The following SPATS2 variants were observed in gnomAD, a reference collection of about 807,000 sequenced individuals.
The protein encoded by SPATS2 is spermatogenesis-associated serine-rich protein 2.
Under a neutral mutation model 63.7 loss-of-function variants are expected in SPATS2, and 38 were observed. That is an observed-to-expected ratio of 0.60 (90% confidence interval 0.46 to 0.78). The LOEUF (loss-of-function observed/expected upper bound fraction) is 0.78, where lower values mean the gene tolerates loss of function less well. Among genes scored for constraint, SPATS2 ranks in the 30% least tolerant of loss-of-function variants. The pLI, the probability that SPATS2 is intolerant of heterozygous loss-of-function variation, is 0.00. For missense variants in SPATS2, 588 were observed against 666.2 expected (o/e 0.88, Z 1.29); for synonymous variants, 207 against 232.9 (o/e 0.89, Z 1.01).
At chr12:49,375,031 A>G (rs1944070602) in intron 2 of SPATS2, among the ~76,000 whole-genome samples, 1 of 150,756 alleles carries the variant, frequency 6.6e-6, no homozygotes, top group African/African-American at 2.4e-5. Context: ...AGGGTTACAC[A>G]GGGATTCTTA....
At chr12:49,376,396 C>T (rs1944103307) in intron 2 of SPATS2, among the ~76,000 whole-genome samples, 1 of 151,818 alleles carries the variant, frequency 6.6e-6, no homozygotes, top group African/African-American at 2.4e-5. Flanking sequence ...AGCTATCACG[C>T]CCGCCCCTGA....
intron 11 of SPATS2, 50 bp downstream of exon 11, chr12:49,519,232 A>T: frequency 6.8e-7 from 1 of 1,470,188 alleles, no homozygotes; most frequent in Non-Finnish European, 9.3e-7. Flanking sequence ...CAGGGGCTAA[A>T]GTAAGAAATT....
At chr12:49,411,683 A>G (rs1408109009) in intron 2 of SPATS2, among the ~76,000 whole-genome samples, 2 of 152,180 alleles carry the variant, frequency 1.3e-5, no homozygotes, top group Non-Finnish European at 1.5e-5. Context: ...TCTAGGAAAA[A>G]GTGAAAAAAG....
chr12:49,383,320 G>T (rs955154851), intron 2 of SPATS2, among the ~76,000 whole-genome samples: 2 of 151,904 alleles, frequency 1.3e-5, no homozygotes, highest in Non-Finnish European at 2.9e-5. Context: ...TGCCTGGATT[G>T]TATGTATTTT....
Position 49,489,540 on chromosome 12 carries a change from T to A in SPATS2, c.181T>A (p.Cys61Ser). The change falls in exon 5 of 14, where the codon TGT (cysteine) becomes AGT (serine). Residue 61 changes from cysteine to serine, a missense_variant. Transcript: ENST00000552918. ...CCTGGTTTTGCAGCACTTTGATAAC[T>A]GTGTGGACAAAACAGTACAAGCATT... ...IILVLQHFDNCVDKTVQAFME... is the reference protein window; with the variant it reads ...IILVLQHFDNSVDKTVQAFME... 6.2e-7 allele frequency: 1 copy of A among 1,613,854 alleles called. No homozygotes were observed. Among genetic ancestry groups the A allele is most frequent in the Non-Finnish European group, 8.5e-7 (1 of 1,179,842 alleles).
At chr12:49,469,006 A>C (rs1011566358) in intron 3 of SPATS2, among the ~76,000 whole-genome samples, 2 of 152,018 alleles carry the variant, frequency 1.3e-5, no homozygotes, top group Admixed American at 1.3e-4. Flanking sequence ...TAATCTCAGC[A>C]CCTCTGGGAG....
intron 2 of SPATS2, among the ~76,000 whole-genome samples, chr12:49,458,729 C>T (rs1477940599): frequency 6.8e-6 from 1 of 147,990 alleles, no homozygotes; most frequent in African/African-American, 2.5e-5. Flanking sequence ...CAAATTCCAT[C>T]TCGTTTTTTT....
chr12:49,458,223 T>G (rs1945754001), intron 2 of SPATS2, among the ~76,000 whole-genome samples: 1 of 152,080 alleles, frequency 6.6e-6, no homozygotes, highest in African/African-American at 2.4e-5. Context: ...AATCCCACAC[T>G]TCAGGAGGCG....
intron 2 of SPATS2, among the ~76,000 whole-genome samples, chr12:49,425,653 C>T (rs535869836): frequency 2.1e-4 from 32 of 150,998 alleles, no homozygotes; most frequent in African/African-American, 7.6e-4. Flanking sequence ...TTTTTTGAGA[C>T]GGAGTCTTCT....
rs1565761003 is a variant in SPATS2 at position 49,516,202 on chromosome 12, T to TAA, written c.898+1590_898+1591insAA. On this transcript the variant is annotated intron_variant, in intron 10 of 13. Coordinates refer to ENST00000552918, the MANE Select transcript of SPATS2 (RefSeq NM_023071.4). ...ATATATATATATATATATATATATA[T>TAA]ATATATAAATCAGGCATGGGGTCAT... Among the ~76,000 whole-genome samples, 318 of 60,304 alleles carry TAA rather than the reference T, an allele frequency of 5.3e-3. 14 individuals are homozygous for TAA. Among genetic ancestry groups the TAA allele is most frequent in the Non-Finnish European group, 6.7e-3 (223 of 33,258 alleles). The allele number at this position is 60,304 out of a possible 152,430, so 39.6% of individuals were successfully genotyped here.
At chr12:49,426,708 T>C (rs1010529611) in intron 2 of SPATS2, among the ~76,000 whole-genome samples, 4 of 152,142 alleles carry the variant, frequency 2.6e-5, no homozygotes, top group Admixed American at 2.0e-4. Context: ...CTCGCCCAGC[T>C]AATTTTTTGT....
At chr12:49,430,391 C>A (rs967080999) in intron 2 of SPATS2, among the ~76,000 whole-genome samples, 1 of 152,006 alleles carries the variant, frequency 6.6e-6, no homozygotes, top group Non-Finnish European at 1.5e-5. Context: ...CGTGACCCAC[C>A]ATGCCTGGCA....
intron 2 of SPATS2, among the ~76,000 whole-genome samples, chr12:49,382,734 C>T (rs769309372): frequency 2.6e-5 from 4 of 152,132 alleles, no homozygotes; most frequent in Admixed American, 1.3e-4. Flanking sequence ...GACAGAGTTT[C>T]GCTCTTGTTG....
intron 7 of SPATS2, among the ~76,000 whole-genome samples, 164 bp from the exon 8 acceptor site, chr12:49,496,669 A>G (rs1946469593): frequency 1.3e-5 from 2 of 152,156 alleles, no homozygotes; most frequent in Admixed American, 1.3e-4. Context: ...AGCCATACCC[A>G]GCTGATTCTG....
chr12:49,389,766 A>G (rs949999192), intron 2 of SPATS2: 60 of 1,366,540 alleles, frequency 4.4e-5, no homozygotes, highest in Non-Finnish European at 5.8e-5. Context: ...ACAAGAAAGA[A>G]AAGAATTGCG....
At chr12:49,446,091 A>T (rs1232878655) in intron 2 of SPATS2, among the ~76,000 whole-genome samples, 2 of 151,464 alleles carry the variant, frequency 1.3e-5, no homozygotes, top group South Asian at 4.2e-4. Flanking sequence ...TTTAGTAGAG[A>T]TGGGGTTTCA....
chr12:49,500,510 AG>A (rs773311863), intron 9 of SPATS2, among the ~76,000 whole-genome samples: 1 of 152,066 alleles, frequency 6.6e-6, no homozygotes, highest in Non-Finnish European at 1.5e-5. Flanking sequence ...CGGTGGCTCA[AG>A]CCTGTAATCC....
intron 2 of SPATS2, among the ~76,000 whole-genome samples, chr12:49,405,242 T>A (rs1294253248): frequency 6.6e-6 from 1 of 152,190 alleles, no homozygotes; most frequent in Non-Finnish European, 1.5e-5. Context: ...ATAATCTTTT[T>A]AATAATTTCC....
chr12:49,367,273 G>A (rs1335305169), upstream of SPATS2: 1 of 329,164 alleles, frequency 3.0e-6, no homozygotes, highest in African/African-American at 2.2e-5. Context: ...CCTGAGCTCT[G>A]GCTGGCTGGC....
Sources: gnomAD v4.1 joint callset for allele counts (sites outside exome capture counted in the v4.1 genomes callset) on GRCh38, gnomAD v4.1.1 for gene constraint, MANE v1.5 for transcripts, NCBI Gene and HGNC (gene_info 2026-07-23, HGNC 2026-07-21) for gene names.